Variants in PPM1H observed in about 807,000 individuals in gnomAD.
PPM1H encodes the protein protein phosphatase, Mg2+/Mn2+ dependent 1H.
In PPM1H, 27 loss-of-function variants were observed where a neutral mutation model predicts 54.9. That is an observed-to-expected ratio of 0.49 (90% CI 0.36 to 0.68). PPM1H has a LOEUF of 0.68. Ranked by LOEUF, PPM1H falls within the 30% of genes least tolerant of loss-of-function variation. The pLI, the probability that PPM1H is intolerant of heterozygous loss-of-function variation, is 0.00. For synonymous variants in PPM1H, 305 were observed against 270.8 expected, an observed-to-expected ratio of 1.13 and a Z score of -1.24; for missense variants, 596 against 667.8, an observed-to-expected ratio of 0.89 and a Z score of 1.19.
intron 9 of PPM1H, among the ~76,000 whole-genome samples, chr12:62,652,801 A>G (rs1459364455): frequency 6.6e-6 from 1 of 152,146 alleles, no homozygotes; most frequent in African/African-American, 2.4e-5. Flanking sequence ...ATCATTTACA[A>G]TCTACACTTA....
At chr12:62,913,067 G>A (rs978861538) in intron 1 of PPM1H, among the ~76,000 whole-genome samples, 4 of 152,224 alleles carry the variant, frequency 2.6e-5, no homozygotes, top group Admixed American at 2.6e-4. Context: ...GGACCCCATG[G>A]AGAGCTTAAG....
intron 4 of PPM1H, among the ~76,000 whole-genome samples, chr12:62,778,286 C>T (rs11174646): frequency 0.13 from 19,554 of 152,200 alleles, 1,595 homozygotes; most frequent in African/African-American, 0.23. Context: ...TAACTGTCCA[C>T]CAAAATCAAT....
chr12:62,773,970 A>C lies in PPM1H; in HGVS notation c.869+14256T>G, dbSNP rs529948395. On this transcript the variant is annotated intron_variant, in intron 4 of 9. Transcript: ENST00000228705. Reference sequence around the variant, plus strand: ...AACCTAACAAGATTGAAGGGAAGAAAATGGATCATAGCCTGCAGGAGTCCA... The same window carrying C: ...AACCTAACAAGATTGAAGGGAAGAACATGGATCATAGCCTGCAGGAGTCCA... Among the ~76,000 whole-genome samples, 8 of 152,260 alleles carry C rather than the reference A, an allele frequency of 5.3e-5. No homozygotes were observed. In the South Asian group the frequency reaches 1.7e-3, roughly 32 times the overall value.
chr12:62,781,408 G>A lies in PPM1H; in HGVS notation c.869+6818C>T, dbSNP rs535579455. Among the ~76,000 whole-genome samples the A allele has an allele frequency of 8.7e-4, 132 of 152,368 alleles. 2 individuals are homozygous for A. The highest frequency in any genetic ancestry group is 3.1e-3 in the African/African-American group (130 of 41,584). On this transcript the variant is annotated intron_variant, in intron 4 of 9. Coordinates refer to ENST00000228705, the MANE Select transcript of PPM1H (RefSeq NM_020700.2). ...TCCAGGAGCTTGCCCTGCGTGTGGT[G>A]TCCGGCTGCTGCAGGACTGCTGAGA...
intron 1 of PPM1H, among the ~76,000 whole-genome samples, chr12:62,871,036 A>G (rs1869957883): frequency 6.6e-6 from 1 of 152,212 alleles, no homozygotes; most frequent in Non-Finnish European, 1.5e-5. Flanking sequence ...ACATCATAAG[A>G]TCTAGCAATT....
intron 2 of PPM1H, among the ~76,000 whole-genome samples, chr12:62,826,103 T>C (rs1338865642): frequency 6.6e-6 from 1 of 152,186 alleles, no homozygotes; most frequent in Non-Finnish European, 1.5e-5. Flanking sequence ...GTATTTGGGA[T>C]GGCTAAGAGT....
intron 2 of PPM1H, among the ~76,000 whole-genome samples, chr12:62,815,144 T>G (rs1426087378): frequency 6.6e-6 from 1 of 152,042 alleles, no homozygotes; most frequent in Non-Finnish European, 1.5e-5. Flanking sequence ...GCTGTCCACA[T>G]GGAGCCATGA....
At chr12:62,767,236 G>A (rs2076549445) in intron 4 of PPM1H, among the ~76,000 whole-genome samples, 2 of 152,150 alleles carry the variant, frequency 1.3e-5, no homozygotes, top group Admixed American at 1.3e-4. Context: ...AGGTGCATAA[G>A]ATGGCTCAGG....
At chr12:62,778,807 TG>T (rs2076625371) in intron 4 of PPM1H, among the ~76,000 whole-genome samples, 1 of 152,080 alleles carries the variant, frequency 6.6e-6, no homozygotes, top group Non-Finnish European at 1.5e-5. Flanking sequence ...GGCACGCACC[TG>T]TAATCCTAGC....
At chr12:62,795,883 C>T (rs1052393499) in intron 3 of PPM1H, among the ~76,000 whole-genome samples, 1 of 152,096 alleles carries the variant, frequency 6.6e-6, no homozygotes, top group Admixed American at 6.5e-5. Context: ...TGTACCACCA[C>T]GCCTGGCTAA....
At chr12:62,654,871 C>T (rs1258146460) in intron 9 of PPM1H, among the ~76,000 whole-genome samples, 1 of 152,200 alleles carries the variant, frequency 6.6e-6, no homozygotes, top group African/African-American at 2.4e-5. Context: ...GACAGCCCCG[C>T]CTGAGGGAGA....
intron 8 of PPM1H, among the ~76,000 whole-genome samples, chr12:62,685,452 T>G (rs1304657000): frequency 6.6e-6 from 1 of 152,186 alleles, no homozygotes; most frequent in Non-Finnish European, 1.5e-5. Context: ...CTGATCTAAT[T>G]AAATAGACCT....
At chr12:62,819,680 T>C (rs753155551) in intron 2 of PPM1H, among the ~76,000 whole-genome samples, 7 of 152,232 alleles carry the variant, frequency 4.6e-5, no homozygotes, top group Non-Finnish European at 8.8e-5. Context: ...GTTGTTGTTT[T>C]ACTTATTTCA....
intron 4 of PPM1H, among the ~76,000 whole-genome samples, chr12:62,768,077 A>G (rs990015168): frequency 1.3e-5 from 2 of 152,206 alleles, no homozygotes; most frequent in African/African-American, 2.4e-5. Context: ...TTGAGGGAAC[A>G]TAACAGTTCA....
At chr12:62,835,440 A>G (rs1868474290) in intron 1 of PPM1H, among the ~76,000 whole-genome samples, 1 of 152,126 alleles carries the variant, frequency 6.6e-6, no homozygotes, top group Non-Finnish European at 1.5e-5. Context: ...TTATTTTCCT[A>G]TTGTGCATCT....
chr12:62,736,627 C>T (rs2076351054), intron 5 of PPM1H, among the ~76,000 whole-genome samples: 1 of 152,214 alleles, frequency 6.6e-6, no homozygotes. Flanking sequence ...TAATTAAATC[C>T]TGACCACAAA....
intron 3 of PPM1H, among the ~76,000 whole-genome samples, chr12:62,798,771 A>G (rs1484598185): frequency 6.6e-6 from 1 of 152,080 alleles, no homozygotes; most frequent in Non-Finnish European, 1.5e-5. Context: ...GCTTTGGCCT[A>G]CCTGGGTTTT....
At chr12:62,889,581 T>C (rs913203851) in intron 1 of PPM1H, among the ~76,000 whole-genome samples, 5 of 152,134 alleles carry the variant, frequency 3.3e-5, no homozygotes, top group Non-Finnish European at 4.4e-5. Flanking sequence ...CAAATACCAG[T>C]AGACCAACGG....
intron 4 of PPM1H, among the ~76,000 whole-genome samples, chr12:62,787,163 G>C (rs2076677088): frequency 6.6e-6 from 1 of 152,126 alleles, no homozygotes; most frequent in Admixed American, 6.5e-5. Context: ...TGCCTCAAGG[G>C]AATTGGTGGT....
Sources: gnomAD v4.1 joint callset for allele counts (sites outside exome capture counted in the v4.1 genomes callset) on GRCh38, gnomAD v4.1.1 for gene constraint, MANE v1.5 for transcripts, NCBI Gene and HGNC (gene_info 2026-07-23, HGNC 2026-07-21) for gene names.